Variants in MSI2 observed in about 807,000 individuals in gnomAD.
MSI2 encodes RNA-binding protein Musashi homolog 2.
In MSI2, 17 loss-of-function variants were observed where a neutral mutation model predicts 45.6. That is an observed-to-expected ratio of 0.37 (90% CI 0.26 to 0.56). MSI2 has a LOEUF of 0.56. Ranked by LOEUF, MSI2 falls within the 20% of genes least tolerant of loss-of-function variation. The pLI, the probability that MSI2 is intolerant of heterozygous loss-of-function variation, is 0.77. For missense variants in MSI2, 293 were observed against 444.2 expected, an observed-to-expected ratio of 0.66 and a Z score of 3.06; for synonymous variants, 156 against 158.2, an observed-to-expected ratio of 0.99 and a Z score of 0.11.
At chr17:57,391,711 G>A (rs761591427) in intron 5 of MSI2, among the ~76,000 whole-genome samples, 1 of 152,160 alleles carries the variant, frequency 6.6e-6, no homozygotes, top group Non-Finnish European at 1.5e-5. Context: ...CCACCATCCT[G>A]TCTGGCTCTT....
intron 4 of MSI2, among the ~76,000 whole-genome samples, chr17:57,259,008 A>C (rs1907073466): frequency 6.6e-6 from 1 of 152,044 alleles, no homozygotes; most frequent in Non-Finnish European, 1.5e-5. Context: ...ACTTTTATAC[A>C]TCACAAGTTT....
At chr17:57,256,516 G>GT (rs1481892904), upstream of MSI2, 12 of 305,682 alleles carry the variant, frequency 3.9e-5, no homozygotes, top group Admixed American at 5.2e-4. Flanking sequence ...GGCGGGGACG[G>GT]GGGGGTGTGC....
At chr17:57,261,253 G>A (rs955200820) in intron 4 of MSI2, among the ~76,000 whole-genome samples, 1 of 152,144 alleles carries the variant, frequency 6.6e-6, no homozygotes, top group African/African-American at 2.4e-5. Flanking sequence ...TTTTGCAAGT[G>A]TGTGATTTGG....
In MSI2 at chr17:57,258,478, G is replaced by A. The variant is rs1598035693; in HGVS notation, c.270+124G>A. On this transcript the variant is annotated intron_variant, in intron 4 of 13. Transcript: ENST00000284073. ...CTAGAACTGGGTAGTTTTAAACTGA[G>A]CTAGCGAGTTGGCTCAAAAGTTTGC... 3.5e-6 allele frequency: 3 copies of A among 862,444 alleles called. No individual in the cohort carries two copies. The Admixed American group carries it at 5.9e-5, about 17-fold the overall frequency. 53.4% of individuals were successfully genotyped at this position (862,444 alleles called of 1,614,324 possible).
chr17:57,418,157 G>A (rs529526903), intron 6 of MSI2, among the ~76,000 whole-genome samples: 1 of 152,338 alleles, frequency 6.6e-6, no homozygotes, highest in Admixed American at 6.5e-5. Flanking sequence ...AATGAGTGTG[G>A]CTGTGTTCCA....
intron 5 of MSI2, among the ~76,000 whole-genome samples, chr17:57,353,272 T>A (rs1916167725): frequency 6.6e-6 from 1 of 152,214 alleles, no homozygotes; most frequent in Admixed American, 6.5e-5. Context: ...TTTTCACTTG[T>A]ACCCACTGCT....
intron 5 of MSI2, among the ~76,000 whole-genome samples, chr17:57,289,986 G>A (rs1442135695): frequency 6.6e-6 from 1 of 152,218 alleles, no homozygotes; most frequent in Non-Finnish European, 1.5e-5. Context: ...CCTCTCTTTT[G>A]CTTAGAACCA....
At chr17:57,483,382 T>C (rs139490454) in intron 6 of MSI2, among the ~76,000 whole-genome samples, 1 of 152,312 alleles carries the variant, frequency 6.6e-6, no homozygotes, top group Non-Finnish European at 1.5e-5. Context: ...AACTAAGGAA[T>C]TGGTTCTTCA....
At chr17:57,618,409 T>C (rs1907940773) in intron 9 of MSI2, 1 of 151,856 alleles carries the variant, frequency 6.6e-6, no homozygotes, top group African/African-American at 2.4e-5. Context: ...TGAAAAAATA[T>C]AAAATAAGAA....
At chr17:57,673,245 A>T (rs1450642379) in intron 11 of MSI2, among the ~76,000 whole-genome samples, 5 of 152,142 alleles carry the variant, frequency 3.3e-5, no homozygotes, top group African/African-American at 7.2e-5. Flanking sequence ...GTGAAAATCA[A>T]TCCACTTCTG....
At chr17:57,284,784 G>A (rs1909726254) in intron 5 of MSI2, among the ~76,000 whole-genome samples, 1 of 152,126 alleles carries the variant, frequency 6.6e-6, no homozygotes, top group South Asian at 2.1e-4. Flanking sequence ...ATTGGGGGAG[G>A]GCTTGTTGGC....
rs896989600 is a variant in MSI2 at position 57,373,118 on chromosome 17, G to A, written c.313-28261G>A. 2.6e-5 allele frequency among the ~76,000 whole-genome samples: 4 copies of A among 152,042 alleles called. No individual in the cohort carries two copies. The East Asian group carries it at 5.8e-4, about 22-fold the overall frequency. On this transcript the variant is annotated intron_variant, in intron 5 of 13. Transcript: ENST00000284073. Reference sequence around the variant, plus strand: ...CAAAAAATACAAAAATTAGCTGGGCGTGGTGGTGTGTGTCTGTAGTCCCAG... The same window carrying A: ...CAAAAAATACAAAAATTAGCTGGGCATGGTGGTGTGTGTCTGTAGTCCCAG...
intron 6 of MSI2, among the ~76,000 whole-genome samples, chr17:57,512,772 T>C (rs1380291393): frequency 6.6e-6 from 1 of 152,158 alleles, no homozygotes; most frequent in Non-Finnish European, 1.5e-5. Context: ...TGGGTACTCC[T>C]TGCTCAGGTG....
intron 7 of MSI2, among the ~76,000 whole-genome samples, chr17:57,589,206 C>A (rs1904594158): frequency 6.6e-6 from 1 of 152,182 alleles, no homozygotes; most frequent in South Asian, 2.1e-4. Context: ...GCCCAGGAAC[C>A]TCTAATGGCG....
chr17:57,308,239 G>A (rs2143585817), intron 5 of MSI2, among the ~76,000 whole-genome samples: 1 of 152,230 alleles, frequency 6.6e-6, no homozygotes, highest in South Asian at 2.1e-4. Context: ...ATCAAATAAT[G>A]TTAGCTACTC....
At chr17:57,402,663 C>T (rs145340521) in intron 6 of MSI2, among the ~76,000 whole-genome samples, 93 of 152,302 alleles carry the variant, frequency 6.1e-4, no homozygotes, top group Middle Eastern at 3.4e-3. Context: ...GACCTTTATT[C>T]AGCCTCAAAA....
intron 6 of MSI2, among the ~76,000 whole-genome samples, chr17:57,405,357 C>CA (rs1353653780): frequency 6.6e-6 from 1 of 152,180 alleles, no homozygotes; most frequent in Non-Finnish European, 1.5e-5. Context: ...ACTTTATTTA[C>CA]AAAAACAGGT....
chr17:57,344,996 G>T (rs1915484794), intron 5 of MSI2, among the ~76,000 whole-genome samples: 1 of 152,114 alleles, frequency 6.6e-6, no homozygotes, highest in Admixed American at 6.5e-5. Flanking sequence ...CCGGGAGGTG[G>T]AGCTTGCAGT....
intron 6 of MSI2, among the ~76,000 whole-genome samples, chr17:57,526,411 C>CAG (rs112969544): frequency 0.051 from 4,142 of 81,814 alleles, 82 homozygotes; most frequent in Non-Finnish European, 0.081. Context: ...GTGTGTGTGA[C>CAG]AGAGAGAGAG....
Sources: allele counts gnomAD v4.1 joint callset (sites outside exome capture counted in the v4.1 genomes callset), GRCh38; gene constraint gnomAD v4.1.1; transcripts MANE v1.5; gene names NCBI Gene and HGNC (gene_info 2026-07-23, HGNC 2026-07-21).